METTL14: variants seen among roughly 807,000 people sequenced by gnomAD.
The protein encoded by METTL14 is N(6)-adenosine-methyltransferase non-catalytic subunit METTL14.
A neutral mutation model predicts 62.4 loss-of-function variants in METTL14; 32 were observed. The observed-to-expected ratio is 0.51, with a 90% CI of 0.39 to 0.69. The LOEUF (loss-of-function observed/expected upper bound fraction) is 0.69. Among genes scored for constraint, METTL14 ranks in the 30% least tolerant of loss-of-function variants. METTL14 has a pLI of 0.00. For missense variants in METTL14, 340 were observed against 551.9 expected (o/e 0.62, Z 3.85); for synonymous variants, 150 against 180.0 (o/e 0.83, Z 1.34).
At chr4:118,698,973 A>G (rs1439596318) in intron 7 of METTL14, among the ~76,000 whole-genome samples, 3 of 152,210 alleles carry the variant, frequency 2.0e-5, no homozygotes, top group Non-Finnish European at 4.4e-5. Context: ...TAAAGACTAC[A>G]TATAAAAGAA....
intron 7 of METTL14, among the ~76,000 whole-genome samples, chr4:118,699,358 T>C (rs1270800374): frequency 6.6e-6 from 1 of 152,206 alleles, no homozygotes; most frequent in Non-Finnish European, 1.5e-5. Context: ...TAAAGTGTTA[T>C]CTGTGTTTAT....
chr4:118,701,204 A>G (rs1448123443), intron 8 of METTL14, among the ~76,000 whole-genome samples: 3 of 123,022 alleles, frequency 2.4e-5, no homozygotes, highest in South Asian at 2.6e-4. Flanking sequence ...TTTTTTTGAG[A>G]CAAGGTACCA....
At chr4:118,702,865 CTT>C (rs923579198) in intron 8 of METTL14, among the ~76,000 whole-genome samples, 9 of 139,120 alleles carry the variant, frequency 6.5e-5, no homozygotes, top group Non-Finnish European at 1.1e-4. Context: ...TATACTCTAT[CTT>C]TTTTTTTTTT....
Position 118,696,117 on chromosome 4 carries a change from C to CAAAAAAAAAAAAAAAAAA in METTL14, c.504-1054_504-1037dup, listed in dbSNP as rs70941201. 3.2e-4 allele frequency among the ~76,000 whole-genome samples: 11 copies of CAAAAAAAAAAAAAAAAAA among 33,908 alleles called. 1 individual carries two copies. The highest frequency in any genetic ancestry group is 4.0e-3 in the South Asian group (2 of 496). The allele number at this position is 33,908 out of a possible 152,430, so 22.2% of individuals were successfully genotyped here. A position where few individuals can be genotyped will look rare whatever the true frequency, so the allele number is the denominator to read the frequency against. On this transcript the variant is annotated intron_variant, in intron 6 of 10. Coordinates refer to ENST00000388822, the MANE Select transcript of METTL14 (RefSeq NM_020961.4). Reference sequence around the variant, plus strand: ...CTGGCAACAGAGTGAGACTCTGTCTCAAAAAAAAAAAAAAAAAAAAAAAAA... The same window carrying CAAAAAAAAAAAAAAAAAA: ...CTGGCAACAGAGTGAGACTCTGTCTCAAAAAAAAAAAAAAAAAAAAAAAAAAAAAAAAAAAAAAAAAAA...
rs70941201 is a variant in METTL14, at chr4:118,696,117, CAAAAAAAAAAAA to C, written c.504-1048_504-1037del. 2.9e-4 allele frequency among the ~76,000 whole-genome samples: 10 copies of C among 33,910 alleles called. 1 individual carries two copies. Among genetic ancestry groups the C allele is most frequent in the South Asian group, 4.0e-3 (2 of 496 alleles). 22.2% of individuals were successfully genotyped at this position (33,910 alleles called of 152,430 possible). A position where few individuals can be genotyped will look rare whatever the true frequency, so the allele number is the denominator to read the frequency against. On this transcript the variant is annotated intron_variant, in intron 6 of 10. Coordinates refer to ENST00000388822, the MANE Select transcript of METTL14 (RefSeq NM_020961.4). ...CTGGCAACAGAGTGAGACTCTGTCT[CAAAAAAAAAAAA>C]AAAAAAAAAAAAAAAATTGTATTCT...
chr4:118,707,725 T>C (rs1188118230), intron 10 of METTL14, among the ~76,000 whole-genome samples: 1 of 150,818 alleles, frequency 6.6e-6, no homozygotes, highest in African/African-American at 2.4e-5. Context: ...CACTTCTTCC[T>C]CAAGGACATA....
At chr4:118,696,323 G>A (rs1724411321) in intron 6 of METTL14, among the ~76,000 whole-genome samples, 1 of 151,590 alleles carries the variant, frequency 6.6e-6, no homozygotes, top group African/African-American at 2.4e-5. Context: ...GACCAGGCTG[G>A]TCTCAAACTC....
At chr4:118,701,561 A>G (rs1724590341) in intron 8 of METTL14, among the ~76,000 whole-genome samples, 1 of 152,206 alleles carries the variant, frequency 6.6e-6, no homozygotes, top group African/African-American at 2.4e-5. Flanking sequence ...TATTATGACT[A>G]GGTATCAGGA....
chr4:118,692,348 C>T (rs1235058754), intron 5 of METTL14, among the ~76,000 whole-genome samples: 1 of 151,792 alleles, frequency 6.6e-6, no homozygotes, highest in Non-Finnish European at 1.5e-5. Flanking sequence ...CCTGCCTCAG[C>T]CTCCCAAGTA....
chr4:118,685,938 C>G (rs1432644672), intron 1 of METTL14, among the ~76,000 whole-genome samples: 1 of 152,138 alleles, frequency 6.6e-6, no homozygotes, highest in Admixed American at 6.5e-5. Flanking sequence ...AAATGGTCAT[C>G]TATTTCTTTC....
intron 10 of METTL14, among the ~76,000 whole-genome samples, chr4:118,708,415 C>G (rs1368152870): frequency 6.6e-6 from 1 of 152,112 alleles, no homozygotes; most frequent in Non-Finnish European, 1.5e-5. Context: ...TGCCAAAAAA[C>G]AAACTAGAAG....
rs1724178761 is a variant in METTL14 at position 118,689,475 on chromosome 4, T to C, written c.243+18T>C. 1 of 1,382,234 alleles carries C rather than the reference T, an allele frequency of 7.2e-7. No individual in the cohort carries two copies. The highest frequency in any genetic ancestry group is 1.9e-5 in the Admixed American group (1 of 51,460). The allele number at this position is 1,382,234 out of a possible 1,614,324, so 85.6% of individuals were successfully genotyped here. A position where few individuals can be genotyped will look rare whatever the true frequency, so the allele number is the denominator to read the frequency against. On this transcript the variant is annotated intron_variant, in intron 3 of 10. Coordinates refer to ENST00000388822, the MANE Select transcript of METTL14 (RefSeq NM_020961.4). The stretch of plus-strand genomic sequence containing the variant: ...AATATAAGGCAAGTAGAGAGTGAAA[T>C]AAGTTTATGGTCAAAGAAAACATAA...
chr4:118,714,634 TGGGGGG>T lies in METTL14; in HGVS notation c.*4333_*4338del, dbSNP rs1725005263. 1 of 152,222 alleles carries T rather than the reference TGGGGGG, an allele frequency of 6.6e-6. No individual in the cohort carries two copies. Among genetic ancestry groups the T allele is most frequent in the South Asian group, 2.1e-4 (1 of 4,832 alleles). The allele number at this position is 152,222 out of a possible 1,614,324, so 9.4% of individuals were successfully genotyped here. On this transcript the variant is annotated 3_prime_UTR_variant, in exon 11 of 11. Coordinates refer to ENST00000388822, the MANE Select transcript of METTL14 (RefSeq NM_020961.4). ...GAGACAGAGTCTCTGTTACCCAGGC[TGGGGGG>T]CAGTGATAAGATCTTGGCTCACTGC...
chr4:118,701,183 G>GTTTTTTTTTTT (rs373953605), intron 8 of METTL14, among the ~76,000 whole-genome samples: 2 of 132,250 alleles, frequency 1.5e-5, no homozygotes, highest in Non-Finnish European at 1.7e-5. Flanking sequence ...GTTTTTTTTT[G>GTTTTTTTTTTT]TTTTTTTTTG....
At chr4:118,694,598 C>A in intron 6 of METTL14, 72 bp downstream of exon 6, 2 of 1,062,638 alleles carry the variant, frequency 1.9e-6, no homozygotes, top group Non-Finnish European at 2.9e-6. Flanking sequence ...ATCCTATAAC[C>A]TTTTTTCTTC....
chr4:118,710,242 A>G lies in METTL14; in HGVS notation c.1311A>G (p.Glu437=). ...GAAATAGATCTAACTTCCGAGGAGA[A>G]AGAGGTGGCTTTAGAGGGGGCCGTG... ...RERNRSNFRG[E]RGGFRGGRGG... is the part of the protein sequence containing the mutation. Residue 437 remains glutamate (E), a synonymous_variant, in exon 11 of 11, where the codon GAA becomes GAG. Coordinates refer to ENST00000388822, the MANE Select transcript of METTL14 (RefSeq NM_020961.4). 2.5e-6 allele frequency: 4 copies of G among 1,614,184 alleles called. No individual in the cohort carries two copies. The highest frequency in any genetic ancestry group is 3.4e-6 in the Non-Finnish European group (4 of 1,180,034).
At position 118,710,264 on chromosome 4, in the gene METTL14, C is replaced by T. The variant is rs749542576; in HGVS notation, c.1333C>T (p.Arg445Cys). The change falls in exon 11 of 11, where the codon CGT (arginine) becomes TGT (cysteine). Residue 445 changes from arginine (R) to cysteine (C), a missense_variant. By Grantham distance (180) the Arg-to-Cys change is radical. This residue lies in a region of METTL14 where 44 missense variants were observed against 56.4 expected (regional missense o/e 0.78). Transcript: ENST00000388822. ...AGAAAGAGGTGGCTTTAGAGGGGGCCGTGGAGGAGCACACAGAGGTGGCTT... is the reference window on the plus strand; with the variant it reads ...AGAAAGAGGTGGCTTTAGAGGGGGCTGTGGAGGAGCACACAGAGGTGGCTT... ...RGERGGFRGG[R>C]GGAHRGGFPP... 25 of 1,613,798 alleles carry T rather than the reference C, an allele frequency of 1.5e-5. No individual in the cohort carries two copies. The Admixed American group carries it at 1.7e-4, about 11-fold the overall frequency.
chr4:118,687,898 A>G (rs894067590), intron 1 of METTL14, 25 bp from the exon 2 acceptor site: 4 of 1,605,334 alleles, frequency 2.5e-6, no homozygotes. Context: ...ATTGCAATCT[A>G]ATTTCTGATT....
intron 10 of METTL14, among the ~76,000 whole-genome samples, chr4:118,707,135 A>G (rs1452138549): frequency 1.3e-5 from 2 of 152,042 alleles, no homozygotes; most frequent in African/African-American, 4.8e-5. Context: ...TATCTGAAGT[A>G]TTTTTAGATT....
Sources: allele counts gnomAD v4.1 joint callset (sites outside exome capture counted in the v4.1 genomes callset), GRCh38; gene constraint gnomAD v4.1.1; regional missense constraint gnomAD v4.1.1; transcripts MANE v1.5; gene names NCBI Gene and HGNC (gene_info 2026-07-23, HGNC 2026-07-21).